HTR4: variants seen among roughly 807,000 people sequenced by gnomAD.
The protein encoded by HTR4 is 5-hydroxytryptamine receptor 4, also known as 5-hydroxytryptamine (serotonin) receptor 4, G protein-coupled.
A neutral mutation model predicts 36.8 loss-of-function variants in HTR4; 16 were observed. That is an observed-to-expected ratio of 0.43 (90% confidence interval 0.29 to 0.66). The LOEUF (loss-of-function observed/expected upper bound fraction) is 0.66, where lower values mean the gene tolerates loss of function less well. Among genes scored for constraint, HTR4 ranks in the 30% least tolerant of loss-of-function variants. The pLI, the probability that HTR4 is intolerant of heterozygous loss-of-function variation, is 0.13. For synonymous variants in HTR4, 189 were observed against 185.1 expected (o/e 1.02, Z -0.17); for missense variants, 438 against 490.9 (o/e 0.89, Z 1.02).
downstream of HTR4, among the ~76,000 whole-genome samples, chr5:148,479,741 A>G (rs1581355494): frequency 6.6e-6 from 1 of 152,178 alleles, no homozygotes; most frequent in East Asian, 1.9e-4. Flanking sequence ...CCATCATTAC[A>G]ATTTGTAATC....
At chr5:148,550,385 T>C (rs1232581413) in intron 2 of HTR4, 123 bp from the exon 3 acceptor site, 1 of 1,071,978 alleles carries the variant, frequency 9.3e-7, no homozygotes, top group East Asian at 2.5e-5. Flanking sequence ...CACATATATT[T>C]ATCATGCGTT....
chr5:148,584,314 A>T (rs1221013539), intron 2 of HTR4, among the ~76,000 whole-genome samples: 1 of 152,194 alleles, frequency 6.6e-6, no homozygotes, highest in African/African-American at 2.4e-5. Flanking sequence ...AGCTGGTGGC[A>T]GAGCCAGGAC....
intron 2 of HTR4, among the ~76,000 whole-genome samples, chr5:148,596,071 C>G (rs753992529): frequency 6.6e-6 from 1 of 152,146 alleles, no homozygotes; most frequent in Non-Finnish European, 1.5e-5. Context: ...AGAGCAGTAG[C>G]TGAGGACATA....
chr5:148,510,315 G>C (rs1304437644), intron 5 of HTR4, among the ~76,000 whole-genome samples: 1 of 152,130 alleles, frequency 6.6e-6, no homozygotes, highest in African/African-American at 2.4e-5. Context: ...TCATATCCCA[G>C]GGCCCAGAGA....
chr5:148,466,067 T>C, intron 5 of HTR4: 2 of 1,469,244 alleles, frequency 1.4e-6, no homozygotes, highest in Non-Finnish European at 1.8e-6. Context: ...AAAGTGCTTT[T>C]AGAGGAGGAT....
intron 2 of HTR4, among the ~76,000 whole-genome samples, chr5:148,632,885 G>C (rs1753373908): frequency 6.6e-6 from 1 of 152,076 alleles, no homozygotes; most frequent in Non-Finnish European, 1.5e-5. Flanking sequence ...AGTGTTTTAG[G>C]GCTGAATTAA....
At chr5:148,477,454 T>C (rs1009340206), downstream of HTR4, among the ~76,000 whole-genome samples, 1 of 152,222 alleles carries the variant, frequency 6.6e-6, no homozygotes, top group Non-Finnish European at 1.5e-5. Flanking sequence ...TTTCAAGGAT[T>C]GTTCTTGCTG....
chr5:148,504,102 A>G (rs1254812649), intron 6 of HTR4, among the ~76,000 whole-genome samples: 1 of 152,184 alleles, frequency 6.6e-6, no homozygotes, highest in African/African-American at 2.4e-5. Flanking sequence ...GAAAGTTAAC[A>G]AGGATATCCA....
At chr5:148,476,223 T>C (rs897964389), downstream of HTR4, among the ~76,000 whole-genome samples, 4 of 152,236 alleles carry the variant, frequency 2.6e-5, no homozygotes, top group Admixed American at 1.3e-4. Context: ...GTTGTCTCAA[T>C]AGATGCCATT....
At chr5:148,638,908 G>A (rs779830048) in intron 1 of HTR4, among the ~76,000 whole-genome samples, 7 of 151,614 alleles carry the variant, frequency 4.6e-5, no homozygotes, top group Admixed American at 1.3e-4. Context: ...TTAGATGGGC[G>A]TGGTGATATA....
downstream of HTR4, among the ~76,000 whole-genome samples, chr5:148,477,431 G>A (rs1166002004): frequency 6.6e-6 from 1 of 152,186 alleles, no homozygotes; most frequent in East Asian, 1.9e-4. Context: ...TGCACAAGAA[G>A]AGAATCCATC....
At chr5:148,533,003 G>C (rs571043723) in intron 4 of HTR4, among the ~76,000 whole-genome samples, 18 of 152,284 alleles carry the variant, frequency 1.2e-4, no homozygotes, top group Non-Finnish European at 2.2e-4. Context: ...GTTACCAAAA[G>C]ATTTTTAAGC....
At chr5:148,563,549 C>G (rs148369649) in intron 2 of HTR4, among the ~76,000 whole-genome samples, 1 of 152,172 alleles carries the variant, frequency 6.6e-6, no homozygotes, top group Non-Finnish European at 1.5e-5. Context: ...TACTGTTTTA[C>G]AGTACCTAGC....
chr5:148,597,549 C>A (rs1761826926), intron 2 of HTR4, among the ~76,000 whole-genome samples: 1 of 152,104 alleles, frequency 6.6e-6, no homozygotes, highest in Admixed American at 6.6e-5. Context: ...TGTCTGTGTT[C>A]CAGCCATATT....
chr5:148,545,616 T>A (rs1223868737), intron 4 of HTR4, among the ~76,000 whole-genome samples: 3 of 152,150 alleles, frequency 2.0e-5, no homozygotes, highest in African/African-American at 4.8e-5. Flanking sequence ...CTGAAAGACA[T>A]GCAGGAGAGG....
chr5:148,542,682 C>A (rs1047257991), intron 4 of HTR4, among the ~76,000 whole-genome samples: 1 of 151,830 alleles, frequency 6.6e-6, no homozygotes, highest in Non-Finnish European at 1.5e-5. Context: ...AAGTAAAGGA[C>A]AAAGTACAGC....
At chr5:148,501,234 TA>T (rs1025978374) in intron 6 of HTR4, among the ~76,000 whole-genome samples, 1 of 152,096 alleles carries the variant, frequency 6.6e-6, no homozygotes, top group South Asian at 2.1e-4. Flanking sequence ...TGTTAAAGGA[TA>T]AAAAAACAAG....
Position 148,509,936 on chromosome 5 carries a change from A to G in HTR4, c.596T>C (p.Val199Ala), listed in dbSNP as rs747099636. ...GAGGAGAAATGGGATGTAGAAGGCC[A>G]CCACAGAGCAGGTGATGGCGTAGGG... ...NKPYAITCSVVAFYIPFLLMV... is the reference protein window; with the variant it reads ...NKPYAITCSVAAFYIPFLLMV... The change falls in exon 6 of 7, where the codon GTG becomes GCG. Residue 199 changes from valine to alanine, a missense_variant. Physicochemically the swap from Val to Ala is moderately conservative, Grantham distance 64 (BLOSUM62 0). Coordinates refer to ENST00000377888, the MANE Select transcript of HTR4 (RefSeq NM_000870.7). The G allele has an allele frequency of 2.5e-6, 4 of 1,613,852 alleles. No homozygotes were observed. In the African/African-American group the frequency reaches 5.3e-5, roughly 22 times the overall value.
chr5:148,496,565 G>C (rs1695303690), intron 6 of HTR4, among the ~76,000 whole-genome samples: 1 of 152,142 alleles, frequency 6.6e-6, no homozygotes, highest in Non-Finnish European at 1.5e-5. Context: ...GATGTAACCT[G>C]TTTTTCTCTT....
Sources: allele counts gnomAD v4.1 joint callset (sites outside exome capture counted in the v4.1 genomes callset), GRCh38; gene constraint gnomAD v4.1.1; transcripts MANE v1.5; gene names NCBI Gene and HGNC (gene_info 2026-07-23, HGNC 2026-07-21).